The following SLC13A1 variants were observed in gnomAD, a reference collection of about 807,000 sequenced individuals.
SLC13A1 encodes Na(+)/sulfate cotransporter.
In SLC13A1, 65 loss-of-function variants were observed where a neutral mutation model predicts 70.0. The observed-to-expected ratio is 0.93, with a 90% CI of 0.76 to 1.14. SLC13A1 has a LOEUF of 1.14. Among genes scored for constraint, SLC13A1 ranks in the 50% most tolerant of loss-of-function variants. SLC13A1 has a pLI of 0.00. For synonymous variants in SLC13A1, 275 were observed against 250.5 expected, an observed-to-expected ratio of 1.10 and a Z score of -0.92; for missense variants, 726 against 717.8, an observed-to-expected ratio of 1.01 and a Z score of -0.13.
At chr7:123,149,694 A>G in intron 6 of SLC13A1, 1 of 445,884 alleles carries the variant, frequency 2.2e-6, no homozygotes, top group South Asian at 1.6e-5. Context: ...AAAGAGTATC[A>G]TTTTACCATC....
intron 1 of SLC13A1, among the ~76,000 whole-genome samples, chr7:123,189,913 T>TGTACTTAAAAAA (rs1795941704): frequency 6.6e-6 from 1 of 152,202 alleles, no homozygotes; most frequent in East Asian, 1.9e-4. Flanking sequence ...CAAATGCATT[T>TGTACTTAAAAAA]GAGAGCTCAT....
At chr7:123,166,542 C>A (rs1332742511) in intron 6 of SLC13A1, among the ~76,000 whole-genome samples, 10 of 152,066 alleles carry the variant, frequency 6.6e-5, no homozygotes, top group Non-Finnish European at 2.9e-5. Flanking sequence ...TATCCGTCCC[C>A]CCTTCCCCCA....
intron 7 of SLC13A1, among the ~76,000 whole-genome samples, chr7:123,135,594 C>T (rs948702538): frequency 6.6e-6 from 1 of 151,992 alleles, no homozygotes; most frequent in Non-Finnish European, 1.5e-5. Flanking sequence ...TGTACTTTGT[C>T]ATTTAAAAAT....
At chr7:123,122,944 C>T (rs1351393665) in intron 12 of SLC13A1, among the ~76,000 whole-genome samples, 182 bp downstream of exon 12, 1 of 152,018 alleles carries the variant, frequency 6.6e-6, no homozygotes, top group Non-Finnish European at 1.5e-5. Flanking sequence ...TGCTTGCAGC[C>T]TGTAATATTT....
intron 8 of SLC13A1, among the ~76,000 whole-genome samples, chr7:123,133,925 C>T (rs1358961518): frequency 1.3e-5 from 2 of 152,120 alleles, no homozygotes; most frequent in African/African-American, 2.4e-5. Flanking sequence ...GCCACCTCCA[C>T]CCCGCAAGCT....
At chr7:123,123,069 T>C (rs775302878) in intron 12 of SLC13A1, 57 bp downstream of exon 12, 319 of 1,293,238 alleles carry the variant, frequency 2.5e-4, no homozygotes, top group Non-Finnish European at 3.5e-4. Flanking sequence ...AATGTCTCTG[T>C]GCTCTTCTTT....
intron 2 of SLC13A1, 41 bp from the exon 3 acceptor site, chr7:123,171,945 G>A (rs1322685913): frequency 1.3e-6 from 2 of 1,588,028 alleles, no homozygotes; most frequent in Non-Finnish European, 1.7e-6. Context: ...ACTTTGGTGG[G>A]GAAAAATAAC....
At chr7:123,134,854 G>C (rs1793899749) in intron 7 of SLC13A1, among the ~76,000 whole-genome samples, 1 of 152,170 alleles carries the variant, frequency 6.6e-6, no homozygotes, top group Admixed American at 6.5e-5. Flanking sequence ...CAAGAAATGG[G>C]TGTTCATGAG....
At chr7:123,125,949 G>A (rs1793544583) in intron 10 of SLC13A1, among the ~76,000 whole-genome samples, 1 of 152,130 alleles carries the variant, frequency 6.6e-6, no homozygotes, top group African/African-American at 2.4e-5. Context: ...CTAGGCCAAA[G>A]TGGCAAATTT....
intron 6 of SLC13A1, among the ~76,000 whole-genome samples, chr7:123,168,092 A>G (rs992778180): frequency 2.0e-5 from 3 of 152,196 alleles, no homozygotes; most frequent in Non-Finnish European, 4.4e-5. Flanking sequence ...GACTGGAATT[A>G]TATTTCTTTA....
intron 6 of SLC13A1, among the ~76,000 whole-genome samples, chr7:123,164,250 A>G (rs1795003323): frequency 6.6e-6 from 1 of 151,926 alleles, no homozygotes; most frequent in African/African-American, 2.4e-5. Flanking sequence ...TAAATACAGA[A>G]TTTATTTGGG....
chr7:123,185,807 T>C (rs1274272322), intron 1 of SLC13A1, among the ~76,000 whole-genome samples: 1 of 152,126 alleles, frequency 6.6e-6, no homozygotes, highest in African/African-American at 2.4e-5. Context: ...TTGAGAGCTC[T>C]TTAATGGGTA....
chr7:123,152,321 T>C (rs1203707483), intron 6 of SLC13A1, among the ~76,000 whole-genome samples: 1 of 152,172 alleles, frequency 6.6e-6, no homozygotes, highest in Non-Finnish European at 1.5e-5. Flanking sequence ...GGGAAGCAGA[T>C]ATATCTTTGA....
intron 6 of SLC13A1, chr7:123,149,601 G>C (rs1164926000): frequency 2.2e-6 from 1 of 456,266 alleles, no homozygotes; most frequent in Non-Finnish European, 4.4e-6. Flanking sequence ...GCTGTTTTTT[G>C]GTCACCTCAC....
intron 2 of SLC13A1, among the ~76,000 whole-genome samples, chr7:123,173,517 T>A (rs892170758): frequency 6.6e-6 from 1 of 152,062 alleles, no homozygotes; most frequent in Admixed American, 6.6e-5. Context: ...GCTTGATAAA[T>A]TTTTCCCTCT....
Position 123,191,725 on chromosome 7 carries a change from G to A in SLC13A1, c.99+8123C>T, listed in dbSNP as rs77600103. On this transcript the variant is annotated intron_variant, in intron 1 of 14. Coordinates refer to ENST00000194130, the MANE Select transcript of SLC13A1 (RefSeq NM_022444.4). ...CCACATGACATTTTATTTAACCCTC[G>A]CCAAGATTCTTTGGGGTAGATATTG... is the stretch of plus-strand genomic sequence containing the variant. Among the ~76,000 whole-genome samples the A allele has an allele frequency of 1.4e-3, 208 of 152,170 alleles. 2 individuals carry two copies. In the East Asian group the frequency reaches 0.037, roughly 27 times the overall value.
intron 2 of SLC13A1, among the ~76,000 whole-genome samples, chr7:123,172,939 A>G (rs1795322337): frequency 6.6e-6 from 1 of 152,134 alleles, no homozygotes; most frequent in African/African-American, 2.4e-5. Context: ...CATATACTAC[A>G]TATTTTTCAG....
chr7:123,148,968 A>T (rs143656921), intron 6 of SLC13A1, among the ~76,000 whole-genome samples: 47 of 152,288 alleles, frequency 3.1e-4, no homozygotes, highest in African/African-American at 1.0e-3. Flanking sequence ...CTTTCCAGGC[A>T]TGGTGAATTT....
chr7:123,168,619 C>G (rs969092365), intron 4 of SLC13A1, 58 bp from the exon 5 acceptor site: 1 of 1,335,336 alleles, frequency 7.5e-7, no homozygotes. Flanking sequence ...ATTGGGTTTG[C>G]CTGTGTGTGG....
Sources: allele counts gnomAD v4.1 joint callset (sites outside exome capture counted in the v4.1 genomes callset), GRCh38; gene constraint gnomAD v4.1.1; transcripts MANE v1.5; gene names NCBI Gene and HGNC (gene_info 2026-07-23, HGNC 2026-07-21).